The following CEP192 variants were observed in gnomAD, a reference collection of about 807,000 sequenced individuals.
CEP192 encodes centrosomal protein 192, also known as centrosomal protein of 192 kDa.
Under a neutral mutation model 271.8 loss-of-function variants are expected in CEP192, and 151 were observed. The ratio of observed to expected loss-of-function variants is 0.56; its 90% CI spans 0.49 to 0.64. The LOEUF (loss-of-function observed/expected upper bound fraction) is 0.64. Ranked by LOEUF, CEP192 falls within the 30% of genes least tolerant of loss-of-function variation. CEP192 has a pLI of 0.00. For synonymous variants in CEP192, 995 were observed against 1,076.5 expected, an observed-to-expected ratio of 0.92 and a Z score of 1.48; for missense variants, 2,910 against 3,020.5, an observed-to-expected ratio of 0.96 and a Z score of 0.86.
intron 9 of CEP192, among the ~76,000 whole-genome samples, chr18:13,029,284 C>G (rs866868397): frequency 5.9e-5 from 9 of 152,168 alleles, no homozygotes. Context: ...GGCTGTTTAT[C>G]CATATTAATT....
At chr18:13,034,543 T>C (rs1010985302) in intron 11 of CEP192, among the ~76,000 whole-genome samples, 1 of 152,018 alleles carries the variant, frequency 6.6e-6, no homozygotes, top group Non-Finnish European at 1.5e-5. Context: ...CGCAGTGGCT[T>C]ACGCCTGTAA....
chr18:13,063,892 C>T lies in CEP192; in HGVS notation c.4489-3939C>T, dbSNP rs137894497. Among the ~76,000 whole-genome samples, 440 of 150,654 alleles carry T rather than the reference C, an allele frequency of 2.9e-3. 6 individuals carry two copies. The East Asian group carries it at 0.036, about 12-fold the overall frequency. ...CTAGATTGCAGTGGCGTGATCTCGGCTCACTGCAACCTCTGCCTCCCGGGT... is the reference window on the plus strand; with the variant it reads ...CTAGATTGCAGTGGCGTGATCTCGGTTCACTGCAACCTCTGCCTCCCGGGT... On this transcript the variant is annotated intron_variant, in intron 21 of 44. Coordinates refer to ENST00000506447, the MANE Select transcript of CEP192 (RefSeq NM_032142.4).
At chr18:13,026,731 G>A (rs2035324314) in intron 9 of CEP192, among the ~76,000 whole-genome samples, 1 of 152,028 alleles carries the variant, frequency 6.6e-6, no homozygotes, top group Admixed American at 6.5e-5. Context: ...ATTTCTTTCT[G>A]ATTCTTTCTC....
chr18:13,106,243 T>C (rs1366114438), intron 40 of CEP192, among the ~76,000 whole-genome samples: 1 of 151,868 alleles, frequency 6.6e-6, no homozygotes, highest in Non-Finnish European at 1.5e-5. Context: ...CTACCACTCA[T>C]CACTACCATC....
rs140763783 is a variant in CEP192, at chr18:13,063,897, T to G, written c.4489-3934T>G. Among the ~76,000 whole-genome samples the G allele has an allele frequency of 8.6e-3, 1,299 of 151,246 alleles. 21 individuals are homozygous for G. Among genetic ancestry groups the G allele is most frequent in the African/African-American group, 0.029 (1,203 of 41,092 alleles). On this transcript the variant is annotated intron_variant, in intron 21 of 44. Coordinates refer to ENST00000506447, the MANE Select transcript of CEP192 (RefSeq NM_032142.4). ...TTGCAGTGGCGTGATCTCGGCTCACTGCAACCTCTGCCTCCCGGGTTCAAG... is the reference window on the plus strand; with the variant it reads ...TTGCAGTGGCGTGATCTCGGCTCACGGCAACCTCTGCCTCCCGGGTTCAAG...
intron 44 of CEP192, among the ~76,000 whole-genome samples, chr18:13,121,529 T>A: frequency 6.6e-6 from 1 of 152,222 alleles, no homozygotes; most frequent in East Asian, 1.9e-4. Context: ...CACGAATGTA[T>A]GATAGATTAT....
chr18:13,066,961 G>A (rs1030391399), intron 21 of CEP192, among the ~76,000 whole-genome samples: 3 of 122,978 alleles, frequency 2.4e-5, no homozygotes, highest in Non-Finnish European at 3.4e-5. Context: ...ATGTGAGCAC[G>A]TCTGTGTGTG....
At chr18:13,022,627 C>T (rs951759416) in intron 9 of CEP192, among the ~76,000 whole-genome samples, 10 of 152,132 alleles carry the variant, frequency 6.6e-5, no homozygotes, top group Non-Finnish European at 1.0e-4. Context: ...ACGATCCACC[C>T]GCCTCTGCCT....
rs1007768089 is a variant in CEP192, at chr18:13,079,767, T to C, written c.5616+6582T>C. Among the ~76,000 whole-genome samples the C allele has an allele frequency of 7.2e-5, 11 of 152,242 alleles. No homozygotes were observed. In the East Asian group the frequency reaches 2.1e-3, roughly 29 times the overall value. ...TTTTCTTCTAGGGTTTTTATGGTTT[T>C]AAGTCTAACATTTAAGTATTTAATC... is the stretch of plus-strand genomic sequence containing the variant. On this transcript the variant is annotated intron_variant, in intron 30 of 44. Transcript: ENST00000506447.
intron 30 of CEP192, among the ~76,000 whole-genome samples, chr18:13,084,729 G>A (rs139273150): frequency 0.032 from 4,888 of 152,204 alleles, 96 homozygotes; most frequent in Middle Eastern, 0.095. Flanking sequence ...GCTGCAGACC[G>A]GAGCTGTTCT....
At chr18:13,011,824 G>A (rs370550445) in intron 4 of CEP192, among the ~76,000 whole-genome samples, 13 of 152,292 alleles carry the variant, frequency 8.5e-5, no homozygotes, top group South Asian at 4.1e-4. Context: ...CACTGTGTCC[G>A]ACCTCACAGA....
At chr18:13,060,144 G>A (rs544416372) in intron 21 of CEP192, among the ~76,000 whole-genome samples, 106 of 152,300 alleles carry the variant, frequency 7.0e-4, no homozygotes, top group Non-Finnish European at 1.2e-3. Context: ...ATCACGGAGT[G>A]TACTTACACA....
chr18:13,079,714 A>G lies in CEP192; in HGVS notation c.5616+6529A>G, dbSNP rs191514245. 1.8e-4 allele frequency among the ~76,000 whole-genome samples: 27 copies of G among 152,122 alleles called. No individual in the cohort carries two copies. The East Asian group carries it at 5.2e-3, about 29-fold the overall frequency. On this transcript the variant is annotated intron_variant, in intron 30 of 44. Coordinates refer to ENST00000506447, the MANE Select transcript of CEP192 (RefSeq NM_032142.4). ...TTTCAGTCATGAAGTCCTTGCCCAT[A>G]CCTATGTCCTAAATGGTATTGCCTA...
intron 9 of CEP192, among the ~76,000 whole-genome samples, chr18:13,021,545 C>T (rs1243476670): frequency 2.6e-5 from 4 of 152,196 alleles, no homozygotes; most frequent in African/African-American, 9.7e-5. Context: ...GTTAGTCCTT[C>T]ATCCTTCAAC....
intron 4 of CEP192, among the ~76,000 whole-genome samples, chr18:13,009,939 G>T (rs1160670853): frequency 6.6e-6 from 1 of 152,136 alleles, no homozygotes; most frequent in Non-Finnish European, 1.5e-5. Flanking sequence ...TGGGTGAATG[G>T]CTTGAGCCCA....
chr18:13,114,037 T>G (rs776980864), intron 41 of CEP192, 93 bp from the exon 42 acceptor site: 9 of 1,433,872 alleles, frequency 6.3e-6, no homozygotes, highest in Non-Finnish European at 8.5e-6. Flanking sequence ...TTTAAAAATT[T>G]TTAAAGGAAA....
chr18:13,045,319 C>T (rs1171952773), intron 15 of CEP192, among the ~76,000 whole-genome samples: 1 of 151,806 alleles, frequency 6.6e-6, no homozygotes. Flanking sequence ...ATTTTTCTGC[C>T]TTCCTGCTTT....
At chr18:13,116,243 A>C in intron 42 of CEP192, 134 bp from the exon 43 acceptor site, 1 of 898,382 alleles carries the variant, frequency 1.1e-6, no homozygotes, top group East Asian at 2.8e-5. Context: ...AGTCGTCATT[A>C]CAAAACTTAT....
rs2036018292 is a variant in CEP192, at chr18:13,038,297, A to G, written c.1600-73A>G. 5.0e-6 allele frequency: 6 copies of G among 1,190,174 alleles called. No homozygotes were observed. In the South Asian group the frequency reaches 9.1e-5, roughly 18 times the overall value. 73.7% of individuals were successfully genotyped at this position (1,190,174 alleles called of 1,614,324 possible). ...TAAATTTTCTTGGTAAGACTTTTTT[A>G]GTTTTTGTATATTAGAACAACAGAA... On this transcript the variant is annotated intron_variant, in intron 12 of 44. Transcript: ENST00000506447.
Sources: gnomAD v4.1 joint callset for allele counts (sites outside exome capture counted in the v4.1 genomes callset) on GRCh38, gnomAD v4.1.1 for gene constraint, MANE v1.5 for transcripts, NCBI Gene and HGNC (gene_info 2026-07-23, HGNC 2026-07-21) for gene names.